Variants in OPCML observed in about 807,000 individuals in gnomAD.
OPCML encodes the protein opioid-binding protein/cell adhesion molecule.
In OPCML, 13 loss-of-function variants were observed where a neutral mutation model predicts 37.8. The observed-to-expected ratio is 0.34, with a 90% CI of 0.22 to 0.55. The LOEUF (loss-of-function observed/expected upper bound fraction) is 0.55. OPCML is among the 20% of genes least tolerant of loss of function. The pLI, the probability that OPCML is intolerant of heterozygous loss-of-function variation, is 0.91. For missense variants in OPCML, 341 were observed against 435.6 expected, an observed-to-expected ratio of 0.78 and a Z score of 1.93; for synonymous variants, 176 against 168.8, an observed-to-expected ratio of 1.04 and a Z score of -0.33.
At chr11:133,492,917 C>T (rs975865230) in intron 1 of OPCML, among the ~76,000 whole-genome samples, 2 of 152,120 alleles carry the variant, frequency 1.3e-5, no homozygotes, top group Non-Finnish European at 2.9e-5. Flanking sequence ...TCATTTAAAA[C>T]AGGATAGAAA....
intron 1 of OPCML, chr11:133,423,487 A>C (rs1945935748): frequency 1.0e-6 from 1 of 985,326 alleles, no homozygotes; most frequent in African/African-American, 1.7e-5. Flanking sequence ...TCCTGGCAAC[A>C]AGCAGTCATA....
intron 1 of OPCML, among the ~76,000 whole-genome samples, chr11:133,356,532 C>G (rs2136705463): frequency 6.6e-6 from 1 of 152,292 alleles, no homozygotes; most frequent in Admixed American, 6.5e-5. Context: ...GACAGAGGAT[C>G]CCATCAGCTC....
intron 1 of OPCML, chr11:133,026,244 G>T: frequency 1.6e-6 from 1 of 636,114 alleles, no homozygotes; most frequent in Non-Finnish European, 2.0e-6. Context: ...ACAGAGTTCC[G>T]CCTCTTTGCA....
intron 1 of OPCML, among the ~76,000 whole-genome samples, chr11:133,248,683 A>G (rs1271342688): frequency 6.6e-6 from 1 of 152,176 alleles, no homozygotes; most frequent in Non-Finnish European, 1.5e-5. Flanking sequence ...AGATGGATGG[A>G]GAAGTTCACT....
intron 1 of OPCML, among the ~76,000 whole-genome samples, chr11:132,981,691 T>A (rs1027238378): frequency 2.0e-5 from 3 of 152,208 alleles, no homozygotes; most frequent in Non-Finnish European, 4.4e-5. Flanking sequence ...TTGGCTCACA[T>A]GGTGATCTTA....
chr11:133,152,500 C>T (rs1337992705), intron 1 of OPCML, among the ~76,000 whole-genome samples: 1 of 152,110 alleles, frequency 6.6e-6, no homozygotes. Context: ...TTTCATACCT[C>T]TTGCAATGCC....
intron 3 of OPCML, among the ~76,000 whole-genome samples, chr11:132,562,959 T>C (rs1392637185): frequency 1.3e-5 from 2 of 149,516 alleles, no homozygotes; most frequent in East Asian, 2.0e-4. Context: ...TAGAGGTCAG[T>C]AAGACATTAA....
chr11:132,490,750 G>T (rs531332805), intron 4 of OPCML, among the ~76,000 whole-genome samples: 1 of 151,176 alleles, frequency 6.6e-6, no homozygotes, highest in African/African-American at 2.4e-5. Context: ...ACCAGAGTTT[G>T]CAGTGAGCCG....
At chr11:133,159,202 T>G (rs958415518) in intron 1 of OPCML, among the ~76,000 whole-genome samples, 3 of 152,214 alleles carry the variant, frequency 2.0e-5, no homozygotes, top group Non-Finnish European at 4.4e-5. Flanking sequence ...TGTTAGCCCA[T>G]TCTCTGCATC....
At chr11:133,085,745 G>GA (rs1948809072) in intron 1 of OPCML, among the ~76,000 whole-genome samples, 1 of 152,252 alleles carries the variant, frequency 6.6e-6, no homozygotes, top group Non-Finnish European at 1.5e-5. Context: ...TCGGAATTTT[G>GA]ACGAAGGTCT....
chr11:133,054,193 T>A (rs1948180981), intron 1 of OPCML, among the ~76,000 whole-genome samples: 3 of 152,194 alleles, frequency 2.0e-5, no homozygotes, highest in Admixed American at 2.0e-4. Flanking sequence ...TGACTGGCCC[T>A]GCTCTCATCA....
intron 1 of OPCML, among the ~76,000 whole-genome samples, chr11:133,081,160 T>C (rs1438638384): frequency 6.6e-6 from 1 of 152,198 alleles, no homozygotes; most frequent in East Asian, 1.9e-4. Flanking sequence ...GACAGGCGCA[T>C]CTGATGTCCC....
At chr11:132,963,994 C>T (rs1008046091) in intron 1 of OPCML, among the ~76,000 whole-genome samples, 2 of 152,126 alleles carry the variant, frequency 1.3e-5, no homozygotes, top group Non-Finnish European at 2.9e-5. Context: ...GCAGGTCAGG[C>T]TTGTGCCCAC....
intron 4 of OPCML, among the ~76,000 whole-genome samples, chr11:132,528,147 T>C (rs1183652830): frequency 6.6e-6 from 1 of 152,200 alleles, no homozygotes; most frequent in Non-Finnish European, 1.5e-5. Context: ...AATTTATCAC[T>C]TTTCTTCTGT....
At chr11:132,777,851 G>A (rs1311938839) in intron 2 of OPCML, among the ~76,000 whole-genome samples, 1 of 152,268 alleles carries the variant, frequency 6.6e-6, no homozygotes, top group Non-Finnish European at 1.5e-5. Flanking sequence ...CCACTTCACA[G>A]CTAGCTTAGT....
chr11:133,355,230 C>T (rs938871141), intron 1 of OPCML, among the ~76,000 whole-genome samples: 2 of 152,218 alleles, frequency 1.3e-5, no homozygotes, highest in African/African-American at 4.8e-5. Context: ...ATTTGGAAGC[C>T]TCAGTCCATT....
At chr11:132,692,284 T>C (rs1333523497) in intron 2 of OPCML, among the ~76,000 whole-genome samples, 1 of 151,538 alleles carries the variant, frequency 6.6e-6, no homozygotes, top group East Asian at 1.9e-4. Flanking sequence ...AGAAGGTTGG[T>C]GTGTCCAGCA....
At chr11:133,044,037 T>A (rs879263784) in intron 1 of OPCML, among the ~76,000 whole-genome samples, 1 of 152,212 alleles carries the variant, frequency 6.6e-6, no homozygotes. Context: ...AGATCCTTAG[T>A]GTCCTCTGTG....
At chr11:133,444,799 GT>G (rs36002246) in intron 1 of OPCML, among the ~76,000 whole-genome samples, 1 of 146,502 alleles carries the variant, frequency 6.8e-6, no homozygotes, top group East Asian at 1.9e-4. Context: ...TTGTTTTTTG[GT>G]TTTTTTTGCA....
Sources: gnomAD v4.1 joint callset for allele counts (sites outside exome capture counted in the v4.1 genomes callset) on GRCh38, gnomAD v4.1.1 for gene constraint, MANE v1.5 for transcripts, NCBI Gene and HGNC (gene_info 2026-07-23, HGNC 2026-07-21) for gene names.